The following NTNG2 variants were observed in gnomAD, a reference collection of about 807,000 sequenced individuals.
The protein encoded by NTNG2 is netrin-G2.
In NTNG2, 15 loss-of-function variants were observed where a neutral mutation model predicts 47.6. The observed-to-expected ratio is 0.32, with a 90% CI of 0.21 to 0.49. The LOEUF (loss-of-function observed/expected upper bound fraction) is 0.49. Among genes scored for constraint, NTNG2 ranks in the 20% least tolerant of loss-of-function variants. The probability of loss-of-function intolerance (pLI) is 0.99; values close to 1 mark genes in which losing one functional copy is unlikely to be tolerated. For missense variants in NTNG2, 578 were observed against 764.6 expected (o/e 0.76, Z 2.88); for synonymous variants, 307 against 324.6 (o/e 0.95, Z 0.58).
chr9:132,233,880 CA>C (rs80245995), intron 5 of NTNG2: 1 of 152,112 alleles, frequency 6.6e-6, no homozygotes, highest in East Asian at 1.9e-4. Flanking sequence ...ACACCTCAAT[CA>C]AGCTGTTTCA....
At chr9:132,241,649 T>C (rs888194297) in intron 7 of NTNG2, 5 of 520,274 alleles carry the variant, frequency 9.6e-6, no homozygotes, top group Non-Finnish European at 1.7e-5. Context: ...CCGAGGCCAG[T>C]GGGGCGGGGA....
intron 3 of NTNG2, among the ~76,000 whole-genome samples, chr9:132,201,034 G>A (rs2130754011): frequency 6.6e-6 from 1 of 152,352 alleles, no homozygotes; most frequent in Non-Finnish European, 1.5e-5. Flanking sequence ...TCTGACCTTG[G>A]ACTGCTCAGG....
Position 132,240,952 on chromosome 9 carries a change from A to G in NTNG2, c.1265A>G (p.Asn422Ser). The G allele has an allele frequency of 6.2e-7, 1 of 1,612,622 alleles. No homozygotes were observed. The highest frequency in any genetic ancestry group is 8.5e-7 in the Non-Finnish European group (1 of 1,179,810). Residue 422 changes from asparagine to serine, a missense_variant, in exon 7 of 8, where the codon AAC (asparagine) becomes AGC (serine). Asn to Ser is a conservative substitution (Grantham distance 46). Coordinates refer to ENST00000393229, the MANE Select transcript of NTNG2 (RefSeq NM_032536.4). ...ATAGGCTCCGTGCACGACCGGTGCAACGAGACCGGCTTCTGCGAGTGCCGC... is the reference window on the plus strand; with the variant it reads ...ATAGGCTCCGTGCACGACCGGTGCAGCGAGACCGGCTTCTGCGAGTGCCGC... ...NQIGSVHDRC[N>S]ETGFCECREG... is the part of the protein sequence containing the mutation.
chr9:132,223,371 G>T (rs1327451778), intron 3 of NTNG2, among the ~76,000 whole-genome samples: 1 of 152,146 alleles, frequency 6.6e-6, no homozygotes, highest in African/African-American at 2.4e-5. Flanking sequence ...GGACAGAGCC[G>T]AGGGAGGAGG....
intron 1 of NTNG2, among the ~76,000 whole-genome samples, chr9:132,165,312 A>AT (rs1233595552): frequency 4.6e-5 from 7 of 152,164 alleles, no homozygotes; most frequent in African/African-American, 1.4e-4. Flanking sequence ...TATATTAATT[A>AT]TATCTATTTT....
rs769570116 is a variant in NTNG2, at chr9:132,162,569, A to AGTGTGTGTGTGTGTGTGTGT, written c.-484+359_-484+378dup. Reference sequence around the variant, plus strand: ...GTGTGTGTGTGTGAGAGAGAGACAGAGTGTGTGTGTGTGTGTGTGTGTGTG... The same window carrying AGTGTGTGTGTGTGTGTGTGT: ...GTGTGTGTGTGTGAGAGAGAGACAGAGTGTGTGTGTGTGTGTGTGTGTGTGTGTGTGTGTGTGTGTGTGTG... On this transcript the variant is annotated intron_variant, in intron 1 of 7. Transcript: ENST00000393229. This position sits in a 1 kb window ranked among gnomAD's most constrained non-coding sequence, Gnocchi z 4.6. 5.3e-5 allele frequency among the ~76,000 whole-genome samples: 6 copies of AGTGTGTGTGTGTGTGTGTGT among 112,468 alleles called. No individual in the cohort carries two copies. The highest frequency in any genetic ancestry group is 2.6e-4 in the East Asian group (1 of 3,896). 73.8% of individuals were successfully genotyped at this position (112,468 alleles called of 152,430 possible).
chr9:132,162,509 C>A lies in NTNG2; in HGVS notation c.-484+270C>A, dbSNP rs1357396411. On this transcript the variant is annotated intron_variant, in intron 1 of 7. Transcript: ENST00000393229. This position sits in a 1 kb window ranked among gnomAD's most constrained non-coding sequence, Gnocchi z 4.6. ...GCTTGTCTTTCTGGCCAGCTTCCCC[C>A]GGGTCCTTTCCGTCGTGTGTGTGAG... Among the ~76,000 whole-genome samples the A allele has an allele frequency of 6.6e-6, 1 of 150,636 alleles. No homozygotes were observed. The highest frequency in any genetic ancestry group is 2.5e-5 in the African/African-American group (1 of 40,618).
intron 3 of NTNG2, among the ~76,000 whole-genome samples, chr9:132,214,700 G>A (rs941272840): frequency 3.3e-5 from 5 of 152,164 alleles, no homozygotes; most frequent in East Asian, 1.9e-4. Context: ...ACAGCCACAC[G>A]GGTGAGCCGG....
At chr9:132,217,368 G>T (rs1277701187) in intron 3 of NTNG2, among the ~76,000 whole-genome samples, 3 of 152,134 alleles carry the variant, frequency 2.0e-5, no homozygotes, top group Non-Finnish European at 2.9e-5. Flanking sequence ...GGGGAGCTGT[G>T]GGGTGGCTGC....
At chr9:132,207,651 G>A (rs567221952) in intron 3 of NTNG2, among the ~76,000 whole-genome samples, 97 of 152,234 alleles carry the variant, frequency 6.4e-4, no homozygotes, top group African/African-American at 2.2e-3. Flanking sequence ...ATATCTTTTC[G>A]GGAGACACGA....
rs1347008081 is a variant in NTNG2 at position 132,231,464 on chromosome 9, G to C, written c.1054+869G>C. The C allele has an allele frequency of 7.7e-6, 3 of 389,688 alleles. No individual in the cohort carries two copies. Among genetic ancestry groups the C allele is most frequent in the Admixed American group, 6.2e-5 (2 of 32,272 alleles). 24.1% of individuals were successfully genotyped at this position (389,688 alleles called of 1,614,324 possible). ...CTGTGGGGCCCCACATCCCACCCAAGTTGTCCCTCCCGGACCCAGGGGGCC... is the reference window on the plus strand; with the variant it reads ...CTGTGGGGCCCCACATCCCACCCAACTTGTCCCTCCCGGACCCAGGGGGCC... On this transcript the variant is annotated intron_variant, in intron 5 of 7. Coordinates refer to ENST00000393229, the MANE Select transcript of NTNG2 (RefSeq NM_032536.4). This position sits in a 1 kb window ranked among gnomAD's most constrained non-coding sequence, Gnocchi z 4.1.
intron 3 of NTNG2, among the ~76,000 whole-genome samples, chr9:132,225,211 C>T (rs1393038903): frequency 1.4e-5 from 2 of 141,608 alleles, no homozygotes; most frequent in African/African-American, 5.4e-5. Flanking sequence ...ACCACCATGG[C>T]TGGCCCTTTT....
intron 2 of NTNG2, among the ~76,000 whole-genome samples, chr9:132,172,293 C>A (rs1408739665): frequency 6.6e-6 from 1 of 152,212 alleles, no homozygotes; most frequent in Admixed American, 6.5e-5. Flanking sequence ...GGTGAGGAGG[C>A]CCTCATTTGG....
intron 1 of NTNG2, among the ~76,000 whole-genome samples, chr9:132,164,188 C>T (rs1835322862): frequency 6.6e-6 from 1 of 152,236 alleles, no homozygotes. Flanking sequence ...ACACATTTTT[C>T]CCCTGGCAGA....
chr9:132,210,950 A>G (rs1589478443), intron 3 of NTNG2, among the ~76,000 whole-genome samples: 1 of 152,272 alleles, frequency 6.6e-6, no homozygotes, highest in East Asian at 1.9e-4. Flanking sequence ...CCTGACTCAC[A>G]CATAAACACA....
intron 3 of NTNG2, among the ~76,000 whole-genome samples, chr9:132,206,702 C>A (rs1450615474): frequency 6.6e-6 from 1 of 152,254 alleles, no homozygotes; most frequent in Non-Finnish European, 1.5e-5. Flanking sequence ...AAACCCAACT[C>A]TTTGGGGACA....
intron 3 of NTNG2, among the ~76,000 whole-genome samples, chr9:132,216,428 ATGTGTGTGTGTG>A (rs10578395): frequency 1.1e-5 from 1 of 87,650 alleles, no homozygotes; most frequent in African/African-American, 5.6e-5. Flanking sequence ...GTGTGTGTGT[ATGTGTGTGTGTG>A]TGTGTGTGTG....
At chr9:132,198,671 C>T in intron 3 of NTNG2, 62 bp downstream of exon 3, 1 of 1,517,648 alleles carries the variant, frequency 6.6e-7, no homozygotes, top group Non-Finnish European at 9.0e-7. Flanking sequence ...TTACCTGGGA[C>T]GTTATTGGAT....
chr9:132,224,450 C>T (rs1170048050), intron 3 of NTNG2, among the ~76,000 whole-genome samples: 5 of 152,086 alleles, frequency 3.3e-5, no homozygotes, highest in African/African-American at 7.2e-5. Context: ...TCCCTGTGTG[C>T]CACCTATTTA....
Sources: allele counts gnomAD v4.1 joint callset (sites outside exome capture counted in the v4.1 genomes callset), GRCh38; gene constraint gnomAD v4.1.1; non-coding constraint Gnocchi (gnomAD v3.1); transcripts MANE v1.5; gene names NCBI Gene and HGNC (gene_info 2026-07-23, HGNC 2026-07-21).